Variants in CEP120 observed in about 807,000 individuals in gnomAD.
CEP120 encodes centrosomal protein 120, also known as centrosomal protein of 120 kDa.
CEP120 carries 113 observed loss-of-function variants against 126.5 expected under a neutral mutation model. That is an observed-to-expected ratio of 0.89 (90% CI 0.77 to 1.04). The LOEUF is 1.04. CEP120 is among the 50% of genes least tolerant of loss of function. CEP120 has a pLI of 0.00. For missense variants in CEP120, 1,230 were observed against 1,155.7 expected (o/e 1.06, Z -0.93); for synonymous variants, 400 against 394.3 (o/e 1.01, Z -0.17).
At position 123,401,756 on chromosome 5, in the gene CEP120, G is replaced by T. The variant is rs1773257281; in HGVS notation, c.464-2472C>A. ...GTAAGCTTCATCCACAATCCTTCTT[G>T]ATGAGGACAAATTCATTCTCCATCT... On this transcript the variant is annotated intron_variant, in intron 4 of 19. Transcript: ENST00000306467. The T allele has an allele frequency of 1.1e-5, 14 of 1,234,956 alleles. No individual in the cohort carries two copies. In the South Asian group the frequency reaches 1.3e-4, roughly 12 times the overall value. 76.5% of individuals were successfully genotyped at this position (1,234,956 alleles called of 1,614,324 possible). A position where few individuals can be genotyped will look rare whatever the true frequency, so the allele number is the denominator to read the frequency against.
At position 123,402,138 on chromosome 5, in the gene CEP120, T is replaced by C. The variant is rs1269247443; in HGVS notation, c.464-2854A>G. Reference sequence around the variant, plus strand: ...GACAAGGGGGCTCAGCAGGCTCTGGTTGACTGTGACCGCGGTGATGCCTCC... The same window carrying C: ...GACAAGGGGGCTCAGCAGGCTCTGGCTGACTGTGACCGCGGTGATGCCTCC... On this transcript the variant is annotated intron_variant, in intron 4 of 19. Coordinates refer to ENST00000306467, the MANE Select transcript of CEP120 (RefSeq NM_001375405.1). 9 of 1,586,270 alleles carry C rather than the reference T, an allele frequency of 5.7e-6. No individual in the cohort carries two copies. The East Asian group carries it at 1.3e-4, about 24-fold the overall frequency.
chr5:123,352,347 AT>A (rs1339682721), intron 18 of CEP120, among the ~76,000 whole-genome samples: 3 of 150,774 alleles, frequency 2.0e-5, no homozygotes, highest in African/African-American at 7.4e-5. Context: ...TATTTAAGAC[AT>A]TTTTTTTGCC....
Position 123,416,011 on chromosome 5 carries a change from T to TA in CEP120, c.319_320insT (p.Gln107LeufsTer11), listed in dbSNP as rs1774359071. The TA allele has an allele frequency of 6.2e-7, 1 of 1,601,572 alleles. No homozygotes were observed. Among genetic ancestry groups the TA allele is most frequent in the African/African-American group, 1.3e-5 (1 of 74,666 alleles). ...AGCAAAACATCAAAAGGGCAATACC[T>TA]GCTTTGTTTCTTGAGCGGTTCTTAA... On this transcript the variant is annotated frameshift_variant and splice_region_variant, in exon 3 of 20. Transcript: ENST00000306467. LOFTEE classifies it high-confidence loss of function.
chr5:123,348,053 C>T (rs981102289), intron 19 of CEP120, among the ~76,000 whole-genome samples: 3 of 152,142 alleles, frequency 2.0e-5, no homozygotes, highest in Non-Finnish European at 2.9e-5. Flanking sequence ...CTTCCATGAA[C>T]GTCCCTAACT....
intron 1 of CEP120, among the ~76,000 whole-genome samples, chr5:123,418,881 C>T (rs898415066): frequency 1.3e-5 from 2 of 152,104 alleles, no homozygotes; most frequent in Non-Finnish European, 2.9e-5. Context: ...CCATGCCCAG[C>T]CTAGCATGTG....
chr5:123,374,312 A>C (rs919232048), intron 16 of CEP120, among the ~76,000 whole-genome samples: 1 of 152,132 alleles, frequency 6.6e-6, no homozygotes, highest in Non-Finnish European at 1.5e-5. Flanking sequence ...GTAGCGGGGC[A>C]AAAACTAACT....
At chr5:123,383,500 C>A (rs1162372010) in intron 11 of CEP120, among the ~76,000 whole-genome samples, 1 of 152,044 alleles carries the variant, frequency 6.6e-6, no homozygotes, top group Non-Finnish European at 1.5e-5. Flanking sequence ...TTTCTCACAT[C>A]ATAACATTAA....
In CEP120 at chr5:123,414,793, C is replaced by T. The variant is rs186982753; in HGVS notation, c.321+1217G>A. On this transcript the variant is annotated intron_variant, in intron 3 of 19. Transcript: ENST00000306467. The stretch of plus-strand genomic sequence containing the variant: ...CATCCTGGCTAACACGGTGAAACCC[C>T]GTCTCTACTAAAAATTCAAAAAAAA... Among the ~76,000 whole-genome samples, 18 of 151,320 alleles carry T rather than the reference C, an allele frequency of 1.2e-4. No homozygotes were observed. The East Asian group carries it at 3.3e-3, about 28-fold the overall frequency.
intron 17 of CEP120, among the ~76,000 whole-genome samples, chr5:123,365,575 TA>T (rs1004526146): frequency 1.3e-5 from 2 of 151,688 alleles, no homozygotes; most frequent in African/African-American, 4.8e-5. Context: ...AATATATGAC[TA>T]CATGGAGTCA....
chr5:123,371,827 T>C (rs1208774394), intron 17 of CEP120, among the ~76,000 whole-genome samples: 1 of 152,068 alleles, frequency 6.6e-6, no homozygotes, highest in African/African-American at 2.4e-5. Context: ...CAAAGCTGAG[T>C]AGGAAAAGAT....
At chr5:123,413,291 T>TA (rs1364423352) in intron 3 of CEP120, among the ~76,000 whole-genome samples, 1 of 150,910 alleles carries the variant, frequency 6.6e-6, no homozygotes, top group Non-Finnish European at 1.5e-5. Context: ...ATAATAATAA[T>TA]AATAAATAAA....
rs896538536 is a variant in CEP120, at chr5:123,422,613, G to C, written c.49+337C>G. On this transcript the variant is annotated intron_variant, in intron 1 of 19. Transcript: ENST00000306467. ...CAAAGCTCTTACAAGTGCTATTATT[G>C]GGAACCGCTGATCAGAACGCGCTTC... The C allele has an allele frequency of 4.3e-6, 6 of 1,388,556 alleles. No individual in the cohort carries two copies. In the South Asian group the frequency reaches 7.4e-5, roughly 17 times the overall value. 86.0% of individuals were successfully genotyped at this position (1,388,556 alleles called of 1,614,324 possible). A position where few individuals can be genotyped will look rare whatever the true frequency, so the allele number is the denominator to read the frequency against.
chr5:123,377,589 A>T, intron 15 of CEP120, 54 bp from the exon 16 acceptor site: 2 of 1,339,384 alleles, frequency 1.5e-6, no homozygotes, highest in East Asian at 2.4e-5. Context: ...GCATTATACT[A>T]TTCGATATTC....
intron 18 of CEP120, among the ~76,000 whole-genome samples, chr5:123,359,350 A>C (rs1366697625): frequency 6.6e-6 from 1 of 152,064 alleles, no homozygotes; most frequent in Admixed American, 6.6e-5. Context: ...CTCATACTTC[A>C]TAACAATGCT....
intron 19 of CEP120, among the ~76,000 whole-genome samples, chr5:123,348,504 A>G (rs1768985338): frequency 1.3e-5 from 2 of 152,250 alleles, no homozygotes; most frequent in African/African-American, 4.8e-5. Flanking sequence ...GAATAAAAGT[A>G]CCACAGATTG....
chr5:123,360,890 T>C (rs762293846), intron 18 of CEP120, among the ~76,000 whole-genome samples: 4 of 151,846 alleles, frequency 2.6e-5, no homozygotes, highest in Non-Finnish European at 5.9e-5. Flanking sequence ...TTACTTATAT[T>C]ATTTTTTTGA....
chr5:123,403,194 C>T (rs1253307910), intron 4 of CEP120: 4 of 438,026 alleles, frequency 9.1e-6, no homozygotes, highest in Non-Finnish European at 1.8e-5. Context: ...GGAACAGTGA[C>T]ACCTCGATAT....
chr5:123,353,097 A>C (rs545182287), intron 18 of CEP120, among the ~76,000 whole-genome samples: 23 of 152,098 alleles, frequency 1.5e-4, no homozygotes, highest in Non-Finnish European at 2.7e-4. Context: ...CAAATGATAC[A>C]GTATTTCTTT....
At position 123,372,644 on chromosome 5, in the gene CEP120, G is replaced by A. The variant is rs544074055; in HGVS notation, c.2481+6C>T. On this transcript the variant is annotated splice_donor_region_variant and intron_variant, in intron 17 of 19. Transcript: ENST00000306467. Reference sequence around the variant, plus strand: ...TAGTTAAACTGCACAAAATTAACATGTGTACCTTTTCCAAGGTGAGAAGAT... The same window carrying A: ...TAGTTAAACTGCACAAAATTAACATATGTACCTTTTCCAAGGTGAGAAGAT... 12 of 1,611,148 alleles carry A rather than the reference G, an allele frequency of 7.4e-6. No individual in the cohort carries two copies. The highest frequency in any genetic ancestry group is 2.2e-5 in the East Asian group (1 of 44,730).
Sources: allele counts gnomAD v4.1 joint callset (sites outside exome capture counted in the v4.1 genomes callset), GRCh38; gene constraint gnomAD v4.1.1; transcripts MANE v1.5; gene names NCBI Gene and HGNC (gene_info 2026-07-23, HGNC 2026-07-21).